The following NBEA variants were observed in gnomAD, a reference collection of about 807,000 sequenced individuals.
NBEA encodes lysosomal-trafficking regulator 2.
A neutral mutation model predicts 343.4 loss-of-function variants in NBEA; 44 were observed. The observed-to-expected ratio is 0.13, with a 90% CI of 0.10 to 0.16. The LOEUF (loss-of-function observed/expected upper bound fraction) is 0.16, where lower values mean the gene tolerates loss of function less well. NBEA is among the 10% of genes least tolerant of loss of function. The pLI is 1.00. For synonymous variants in NBEA, 1,175 were observed against 1,238.7 expected (o/e 0.95, Z 1.08); for missense variants, 2,555 against 3,631.3 (o/e 0.70, Z 7.62).
At chr13:35,210,446 A>C (rs1469358797) in intron 32 of NBEA, among the ~76,000 whole-genome samples, 1 of 152,170 alleles carries the variant, frequency 6.6e-6, no homozygotes, top group Non-Finnish European at 1.5e-5. Context: ...AATAATATTT[A>C]GGAACACTAG....
At chr13:35,019,911 G>A (rs2061777898) in intron 1 of NBEA, among the ~76,000 whole-genome samples, 1 of 152,132 alleles carries the variant, frequency 6.6e-6, no homozygotes, top group South Asian at 2.1e-4. Context: ...AGCCGCTCCA[G>A]CTGTCCCACA....
intron 47 of NBEA, among the ~76,000 whole-genome samples, chr13:35,599,048 A>T (rs1283846693): frequency 1.3e-5 from 2 of 152,180 alleles, no homozygotes; most frequent in Non-Finnish European, 2.9e-5. Context: ...TCAGAAGCAC[A>T]TGCTTATTAG....
intron 41 of NBEA, among the ~76,000 whole-genome samples, chr13:35,515,683 A>G (rs1442015525): frequency 6.6e-6 from 1 of 152,136 alleles, no homozygotes; most frequent in Non-Finnish European, 1.5e-5. Flanking sequence ...TTAAAAAGGC[A>G]ATATATTTTA....
intron 17 of NBEA, among the ~76,000 whole-genome samples, chr13:35,129,406 T>TA (rs1314652653): frequency 6.6e-6 from 1 of 152,034 alleles, no homozygotes; most frequent in Non-Finnish European, 1.5e-5. Context: ...AACAAGACTT[T>TA]AAAAACAAGG....
chr13:35,338,222 AAAAG>A (rs1476524544), intron 36 of NBEA, among the ~76,000 whole-genome samples: 7 of 151,900 alleles, frequency 4.6e-5, no homozygotes, highest in Non-Finnish European at 8.8e-5. Context: ...AGCTAGAAAA[AAAAG>A]AAAGAAGACT....
At chr13:35,623,118 G>A (rs545490711) in intron 48 of NBEA, among the ~76,000 whole-genome samples, 1 of 152,274 alleles carries the variant, frequency 6.6e-6, no homozygotes, top group South Asian at 2.1e-4. Flanking sequence ...AGATATGCAA[G>A]TAGAGGGTAA....
At chr13:35,557,254 A>G (rs1425443219) in intron 44 of NBEA, among the ~76,000 whole-genome samples, 1 of 152,064 alleles carries the variant, frequency 6.6e-6, no homozygotes, top group African/African-American at 2.4e-5. Flanking sequence ...ACTGCATTTT[A>G]CTCATGTAAG....
chr13:34,982,027 G>C (rs2060374328), intron 1 of NBEA, among the ~76,000 whole-genome samples: 2 of 151,520 alleles, frequency 1.3e-5, no homozygotes, highest in African/African-American at 4.8e-5. Context: ...TTCAAAGAAA[G>C]AAATTTGGCT....
chr13:35,386,136 A>G (rs1294159822), intron 38 of NBEA, among the ~76,000 whole-genome samples: 4 of 152,178 alleles, frequency 2.6e-5, no homozygotes, highest in Non-Finnish European at 1.5e-5. Flanking sequence ...TCAATTTGGA[A>G]GATTTTTTTA....
In NBEA at chr13:35,326,710, G is replaced by A. The variant is rs115093835; in HGVS notation, c.5903+17118G>A. On this transcript the variant is annotated intron_variant, in intron 36 of 58. Coordinates refer to ENST00000379939, the MANE Select transcript of NBEA (RefSeq NM_001385012.1). ...TGTTAAGAGTGAGCATTCATGTCCCGTTCCAGTTCTCAAGTGGAATTATTC... is the reference window on the plus strand; with the variant it reads ...TGTTAAGAGTGAGCATTCATGTCCCATTCCAGTTCTCAAGTGGAATTATTC... 1.6e-3 allele frequency among the ~76,000 whole-genome samples: 243 copies of A among 151,938 alleles called. 1 individual carries two copies. The highest frequency in any genetic ancestry group is 5.4e-3 in the African/African-American group (223 of 41,480).
At chr13:35,101,574 G>A (rs1173443525) in intron 11 of NBEA, among the ~76,000 whole-genome samples, 1 of 151,470 alleles carries the variant, frequency 6.6e-6, no homozygotes, top group Non-Finnish European at 1.5e-5. Context: ...TTGATTTGTA[G>A]GAGTTTTTTT....
At chr13:34,948,766 T>G (rs1197173536) in intron 1 of NBEA, among the ~76,000 whole-genome samples, 1 of 152,182 alleles carries the variant, frequency 6.6e-6, no homozygotes, top group Non-Finnish European at 1.5e-5. Flanking sequence ...ATGGAACTAC[T>G]GAGGTTGGAA....
rs2077319199 is a variant in NBEA, at chr13:35,512,633, G to A, written c.6586-37844G>A. Among the ~76,000 whole-genome samples the A allele has an allele frequency of 3.9e-5, 6 of 152,186 alleles. No homozygotes were observed. The South Asian group carries it at 1.2e-3, about 32-fold the overall frequency. ...GCCTGAGTCTTATCTTGGCTCCCTG[G>A]CCTCTCAGTACATTGTGATATTTCA... On this transcript the variant is annotated intron_variant, in intron 41 of 58. Transcript: ENST00000379939.
At chr13:35,250,243 T>C (rs1396917305) in intron 34 of NBEA, among the ~76,000 whole-genome samples, 1 of 152,130 alleles carries the variant, frequency 6.6e-6, no homozygotes, top group Non-Finnish European at 1.5e-5. Context: ...AAGTGAAAAG[T>C]TTACCCATAG....
chr13:35,111,753 A>C (rs983707318), intron 13 of NBEA, among the ~76,000 whole-genome samples: 7 of 152,156 alleles, frequency 4.6e-5, no homozygotes, highest in Admixed American at 3.9e-4. Flanking sequence ...AATTACTGAG[A>C]AAGGGGCTAA....
In NBEA at chr13:35,162,688, C is replaced by G. The variant is rs567726652; in HGVS notation, c.4079+721C>G. 1.1e-4 allele frequency among the ~76,000 whole-genome samples: 17 copies of G among 152,160 alleles called. No homozygotes were observed. The East Asian group carries it at 1.2e-3, about 10-fold the overall frequency. ...TCGTGAGCCAGCAGGATCACATCCT[C>G]TTTCAAAATCAATCATCAGAAAAAG... is the stretch of plus-strand genomic sequence containing the variant. On this transcript the variant is annotated intron_variant, in intron 23 of 58. Transcript: ENST00000379939.
At position 35,157,093 on chromosome 13, in the gene NBEA, T is replaced by C. The variant is rs756468624; in HGVS notation, c.2667T>C (p.Cys889=). 2 of 1,593,384 alleles carry C rather than the reference T, an allele frequency of 1.3e-6. No individual in the cohort carries two copies. Among genetic ancestry groups the C allele is most frequent in the East Asian group, 2.3e-5 (1 of 44,358 alleles). Residue 889 remains cysteine (C), a synonymous_variant, in exon 21 of 59, where the codon TGT becomes TGC. Transcript: ENST00000379939. ...SRENRRCLLQ[C]SVWQDWMFSL... ...TTCTCCCTAGATGCTTATTGCAGTG[T>C]TCAGTGTGGCAGGATTGGATGTTTT...
At chr13:35,628,542 G>C (rs897735118) in intron 49 of NBEA, among the ~76,000 whole-genome samples, 18 of 152,108 alleles carry the variant, frequency 1.2e-4, no homozygotes, top group Non-Finnish European at 2.9e-5. Flanking sequence ...TTAGTAATAA[G>C]TGAAACCTAG....
chr13:35,290,847 C>A (rs576873452), intron 35 of NBEA, among the ~76,000 whole-genome samples: 1 of 151,404 alleles, frequency 6.6e-6, no homozygotes, highest in Non-Finnish European at 1.5e-5. Context: ...AAATTCCATA[C>A]CCAAAGTGTA....
Sources: allele counts gnomAD v4.1 joint callset (sites outside exome capture counted in the v4.1 genomes callset), GRCh38; gene constraint gnomAD v4.1.1; transcripts MANE v1.5; gene names NCBI Gene and HGNC (gene_info 2026-07-23, HGNC 2026-07-21).